The following CELF2 variants were observed in gnomAD, a reference collection of about 807,000 sequenced individuals.
CELF2 encodes the protein CUGBP Elav-like family member 2.
Under a neutral mutation model 62.6 loss-of-function variants are expected in CELF2, and 8 were observed. The ratio of observed to expected loss-of-function variants is 0.13; its 90% CI spans 0.07 to 0.23. CELF2 has a LOEUF of 0.23. Ranked by LOEUF, CELF2 falls within the 10% of genes least tolerant of loss-of-function variation. The probability of loss-of-function intolerance (pLI) is 1.00; values close to 1 mark genes in which losing one functional copy is unlikely to be tolerated. For synonymous variants in CELF2, 258 were observed against 250.0 expected, an observed-to-expected ratio of 1.03 and a Z score of -0.30; for missense variants, 333 against 671.0, an observed-to-expected ratio of 0.50 and a Z score of 5.56.
At chr10:10,678,117 C>T in the CELF2 span, among the ~76,000 whole-genome samples, 1 of 152,104 alleles carries the variant, frequency 6.6e-6, no homozygotes, top group Non-Finnish European at 1.5e-5. Flanking sequence ...AGCTGTCTAG[C>T]CATCTTTATA....
chr10:10,621,886 C>T, the CELF2 span, among the ~76,000 whole-genome samples: 1 of 152,070 alleles, frequency 6.6e-6, no homozygotes, highest in Non-Finnish European at 1.5e-5. Context: ...AGGTATATTG[C>T]ATAAGTTTCT....
rs138414229 is a variant in CELF2, at chr10:10,906,274, G to C, written c.54-13690G>C. Among the ~76,000 whole-genome samples the C allele has an allele frequency of 2.5e-3, 386 of 152,180 alleles. 2 individuals carry two copies. Among genetic ancestry groups the C allele is most frequent in the African/African-American group, 8.9e-3 (368 of 41,494 alleles). On this transcript the variant is annotated intron_variant, in intron 1 of 13. Coordinates refer to the CELF2 transcript ENST00000636488. ...TTTCTTCTATCTTCAAAGTCATTCA[G>C]GTGATAAAATTTTTAATTATCCCCA...
chr10:10,606,873 G>A, the CELF2 span, among the ~76,000 whole-genome samples: 1 of 152,110 alleles, frequency 6.6e-6, no homozygotes, highest in Non-Finnish European at 1.5e-5. Context: ...ACTCAAAGAT[G>A]GCAGATTAGG....
At chr10:10,923,899 A>G (rs1200893205) in intron 2 of CELF2, 1 of 152,176 alleles carries the variant, frequency 6.6e-6, no homozygotes, top group African/African-American at 2.4e-5. Flanking sequence ...CTTGTAGCAA[A>G]GGACAATTTA....
chr10:11,298,742 A>G (rs191314606), intron 9 of CELF2, among the ~76,000 whole-genome samples: 61 of 152,304 alleles, frequency 4.0e-4, no homozygotes, highest in Non-Finnish European at 4.7e-4. Flanking sequence ...TGCTTTTTTA[A>G]AAAAACGATG....
chr10:10,548,912 TATTGAATATTAATTC>T, the CELF2 span, among the ~76,000 whole-genome samples: 1 of 152,200 alleles, frequency 6.6e-6, no homozygotes, highest in African/African-American at 2.4e-5. Context: ...GGTTAAATTA[TATTGAATATTAATTC>T]AGTTATCGGT....
chr10:11,065,748 A>G (rs556328577), intron 1 of CELF2, among the ~76,000 whole-genome samples: 2 of 152,316 alleles, frequency 1.3e-5, no homozygotes, highest in Admixed American at 1.3e-4. Context: ...TGCAGATGCT[A>G]TAAATAAAAC....
chr10:10,518,707 C>A, the CELF2 span, among the ~76,000 whole-genome samples: 8 of 140,700 alleles, frequency 5.7e-5, no homozygotes, highest in African/African-American at 2.2e-4. Context: ...ATATAACATA[C>A]CACAAAATGA....
the CELF2 span, among the ~76,000 whole-genome samples, chr10:10,581,916 T>G: frequency 6.6e-6 from 1 of 152,112 alleles, no homozygotes; most frequent in South Asian, 2.1e-4. Context: ...TAATCCCAGC[T>G]ACTCAGGAAG....
chr10:10,693,746 G>T, the CELF2 span, among the ~76,000 whole-genome samples: 1 of 151,450 alleles, frequency 6.6e-6, no homozygotes, highest in African/African-American at 2.4e-5. Context: ...TTGGGAGAGT[G>T]TATGTGTCGA....
the CELF2 span, among the ~76,000 whole-genome samples, chr10:10,555,748 A>C: frequency 6.6e-6 from 1 of 152,120 alleles, no homozygotes; most frequent in Admixed American, 6.6e-5. Flanking sequence ...ACATGCACTC[A>C]CACTCACAAA....
chr10:10,715,411 T>C, the CELF2 span, among the ~76,000 whole-genome samples: 1 of 152,230 alleles, frequency 6.6e-6, no homozygotes, highest in African/African-American at 2.4e-5. Flanking sequence ...AGTATATCCT[T>C]CTACTTTCAA....
At chr10:11,256,665 T>TAAA in intron 4 of CELF2, among the ~76,000 whole-genome samples, 1 of 96,626 alleles carries the variant, frequency 1.0e-5, no homozygotes, top group East Asian at 2.4e-4. Flanking sequence ...GTGATGTCCT[T>TAAA]AAAAAAAAAA....
At chr10:11,190,648 C>A (rs1183164631) in intron 2 of CELF2, among the ~76,000 whole-genome samples, 1 of 151,600 alleles carries the variant, frequency 6.6e-6, no homozygotes, top group South Asian at 2.1e-4. Context: ...GTAGGCTGTA[C>A]CCTCAAAGTG....
At chr10:11,148,132 T>A (rs2062621320) in intron 1 of CELF2, among the ~76,000 whole-genome samples, 4 of 152,368 alleles carry the variant, frequency 2.6e-5, no homozygotes, top group Admixed American at 2.6e-4. Flanking sequence ...CTCCTCTGTT[T>A]TTTCTAAATG....
In CELF2 at chr10:11,222,189, G is replaced by A. The variant is rs181576578; in HGVS notation, c.354+4682G>A. Among the ~76,000 whole-genome samples, 11 of 152,206 alleles carry A rather than the reference G, an allele frequency of 7.2e-5. No individual in the cohort carries two copies. In the East Asian group the frequency reaches 7.7e-4, roughly 11 times the overall value. On this transcript the variant is annotated intron_variant, in intron 3 of 12. Transcript: ENST00000633077. ...AGCAAAAAAGCTTGACTCTCACTGG[G>A]GCCAAATTTCATTTGCCCATTTTAA...
intron 1 of CELF2, among the ~76,000 whole-genome samples, chr10:10,856,799 A>G (rs965533439): frequency 3.3e-5 from 5 of 152,160 alleles, no homozygotes; most frequent in African/African-American, 1.2e-4. Flanking sequence ...GCTTTATAAC[A>G]TTGCTGTAGT....
Position 11,202,832 on chromosome 10 carries a change from C to T in CELF2, c.272-14593C>T, listed in dbSNP as rs2059516051. On this transcript the variant is annotated intron_variant, in intron 2 of 12. Coordinates refer to ENST00000633077, the MANE Select transcript of CELF2 (RefSeq NM_001326342.2). ...AGAGGCTTTATCCTATAAACCATCT[C>T]GTTGCCTAGAGCATTTTAGCTCCTT... Among the ~76,000 whole-genome samples, 3 of 151,834 alleles carry T rather than the reference C, an allele frequency of 2.0e-5. No homozygotes were observed. In the East Asian group the frequency reaches 5.8e-4, roughly 29 times the overall value.
At chr10:10,716,811 C>T in the CELF2 span, among the ~76,000 whole-genome samples, 10 of 152,274 alleles carry the variant, frequency 6.6e-5, no homozygotes, top group Middle Eastern at 3.4e-3. Context: ...CCAACACTTT[C>T]GCTGCAACAT....
Sources: gnomAD v4.1 joint callset for allele counts (sites outside exome capture counted in the v4.1 genomes callset) on GRCh38, gnomAD v4.1.1 for gene constraint, MANE v1.5 for transcripts, NCBI Gene and HGNC (gene_info 2026-07-23, HGNC 2026-07-21) for gene names.